The following RAD17 variants were observed in gnomAD, a reference collection of about 807,000 sequenced individuals.
RAD17 encodes RAD17 checkpoint clamp loader component.
In RAD17, 31 loss-of-function variants were observed where a neutral mutation model predicts 81.5. That is an observed-to-expected ratio of 0.38 (90% CI 0.29 to 0.51). The LOEUF (loss-of-function observed/expected upper bound fraction) is 0.51, where lower values mean the gene tolerates loss of function less well. Among genes scored for constraint, RAD17 ranks in the 20% least tolerant of loss-of-function variants. RAD17 has a pLI of 0.88. For synonymous variants in RAD17, 261 were observed against 266.2 expected (o/e 0.98, Z 0.19); for missense variants, 681 against 781.2 (o/e 0.87, Z 1.53).
At chr5:69,405,348 C>T (rs1228988972) in intron 17 of RAD17, among the ~76,000 whole-genome samples, 1 of 146,384 alleles carries the variant, frequency 6.8e-6, no homozygotes, top group Non-Finnish European at 1.5e-5. Flanking sequence ...TAAAAACACA[C>T]ACACAAAAAA....
At chr5:69,379,612 CT>C (rs1379583290) in intron 6 of RAD17, among the ~76,000 whole-genome samples, 6 of 151,854 alleles carry the variant, frequency 4.0e-5, no homozygotes, top group African/African-American at 1.5e-4. Flanking sequence ...AATATTTTGT[CT>C]TTATATCTTT....
At chr5:69,404,201 A>AT (rs1209363282) in intron 17 of RAD17, among the ~76,000 whole-genome samples, 2 of 152,246 alleles carry the variant, frequency 1.3e-5, no homozygotes, top group Non-Finnish European at 2.9e-5. Context: ...TCAAAGAGCT[A>AT]TTTTTTAAAG....
intron 17 of RAD17, among the ~76,000 whole-genome samples, chr5:69,409,037 G>A (rs1243724320): frequency 6.6e-6 from 1 of 151,980 alleles, no homozygotes; most frequent in Admixed American, 6.6e-5. Flanking sequence ...TGGTTTCCAG[G>A]GTGCCCTTTA....
Position 69,386,410 on chromosome 5 carries a change from C to T in RAD17, c.839C>T (p.Ala280Val). The T allele has an allele frequency of 6.3e-7, 1 of 1,598,040 alleles. No individual in the cohort carries two copies. Among genetic ancestry groups the T allele is most frequent in the South Asian group, 1.2e-5 (1 of 86,150 alleles). Reference sequence around the variant, plus strand: ...ATAAAACTTAGTTTCAACCCTGTGGCACCAACAATTATGATGAAATTTCTT... The same window carrying T: ...ATAAAACTTAGTTTCAACCCTGTGGTACCAACAATTATGATGAAATTTCTT... ...SISNISFNPV[A>V]PTIMMKFLNR... The change falls in exon 11 of 19, where the codon GCA becomes GTA. Residue 280 changes from alanine to valine, a missense_variant. Transcript: ENST00000354868.
intron 17 of RAD17, among the ~76,000 whole-genome samples, chr5:69,406,712 G>A (rs1207601815): frequency 2.0e-5 from 3 of 151,614 alleles, no homozygotes; most frequent in Non-Finnish European, 4.4e-5. Flanking sequence ...TTGCCATGTT[G>A]CACAGGCTGG....
chr5:69,403,986 T>G (rs975172749), intron 17 of RAD17, among the ~76,000 whole-genome samples: 1 of 149,186 alleles, frequency 6.7e-6, no homozygotes, highest in African/African-American at 2.4e-5. Flanking sequence ...TATGGTAGAT[T>G]ACTAACATTT....
At chr5:69,372,459 A>G (rs1177465297) in intron 4 of RAD17, among the ~76,000 whole-genome samples, 1 of 152,138 alleles carries the variant, frequency 6.6e-6, no homozygotes, top group African/African-American at 2.4e-5. Flanking sequence ...AGAAATATAT[A>G]ACTTGGTTTC....
At chr5:69,370,927 G>T (rs1252938031) in intron 1 of RAD17, 108 bp from the exon 2 acceptor site, 1 of 245,762 alleles carries the variant, frequency 4.1e-6, no homozygotes, top group African/African-American at 2.3e-5. Context: ...AAACATTTAA[G>T]AATTTGAAAA....
At chr5:69,374,744 A>G (rs780997502) in intron 6 of RAD17, 33 bp downstream of exon 6, 1 of 1,474,306 alleles carries the variant, frequency 6.8e-7, no homozygotes, top group Non-Finnish European at 9.4e-7. Context: ...AATATTTAAC[A>G]TCAAATATTT....
At position 69,371,180 on chromosome 5, in the gene RAD17, A is replaced by C; in HGVS notation, c.-280+9A>C. On this transcript the variant is annotated intron_variant, in intron 2 of 18. Transcript: ENST00000354868. ...GATTTTAATGACAAAAGGTAAGTAC[A>C]TAGTATGTGTGGTTTTTTTGTTTTT... The C allele has an allele frequency of 2.0e-6, 1 of 505,256 alleles. No individual in the cohort carries two copies. The highest frequency in any genetic ancestry group is 3.8e-6 in the Non-Finnish European group (1 of 264,184). The allele number at this position is 505,256 out of a possible 1,614,324, so 31.3% of individuals were successfully genotyped here. A position where few individuals can be genotyped will look rare whatever the true frequency, so the allele number is the denominator to read the frequency against.
intron 6 of RAD17, among the ~76,000 whole-genome samples, chr5:69,376,707 C>T (rs988115176): frequency 5.9e-5 from 9 of 152,008 alleles, no homozygotes; most frequent in Non-Finnish European, 1.0e-4. Context: ...AGTTTTCAAC[C>T]TTGAGATGAA....
intron 6 of RAD17, among the ~76,000 whole-genome samples, chr5:69,376,654 C>T (rs1246057461): frequency 1.3e-5 from 2 of 152,210 alleles, no homozygotes; most frequent in Admixed American, 1.3e-4. Flanking sequence ...ATTGACACAT[C>T]ACTAACACCC....
chr5:69,373,707 TTTTTTTTTTA>T lies in RAD17; in HGVS notation c.10-122_10-113del, dbSNP rs2150766751. ...AAAAATTTTTTTTTTTTTTTTTTTT[TTTTTTTTTTA>T]AGTTTTAAAGGTTATAAATATATGA... On this transcript the variant is annotated intron_variant, in intron 4 of 18. Coordinates refer to ENST00000354868, the MANE Select transcript of RAD17 (RefSeq NM_133338.3). The T allele has an allele frequency of 2.0e-4, 111 of 562,352 alleles. 1 individual carries two copies. The highest frequency in any genetic ancestry group is 5.3e-4 in the East Asian group (9 of 17,034). The allele number at this position is 562,352 out of a possible 1,614,324, so 34.8% of individuals were successfully genotyped here. A position where few individuals can be genotyped will look rare whatever the true frequency, so the allele number is the denominator to read the frequency against.
chr5:69,392,432 C>T (rs560158571), intron 13 of RAD17, among the ~76,000 whole-genome samples: 22 of 152,242 alleles, frequency 1.4e-4, no homozygotes, highest in African/African-American at 5.3e-4. Context: ...GTTCTGTCTC[C>T]CCAACCAGAG....
At chr5:69,375,514 T>G (rs1763278398) in intron 6 of RAD17, among the ~76,000 whole-genome samples, 1 of 152,012 alleles carries the variant, frequency 6.6e-6, no homozygotes, top group Non-Finnish European at 1.5e-5. Context: ...TAAAAGAAAA[T>G]AGAATAATAA....
At chr5:69,397,462 C>T (rs776314419) in intron 16 of RAD17, among the ~76,000 whole-genome samples, 25 of 151,790 alleles carry the variant, frequency 1.6e-4, no homozygotes, top group Non-Finnish European at 3.1e-4. Context: ...ATTTCAGTTT[C>T]AATTAAAAAC....
chr5:69,371,649 G>A (rs1237215594), intron 3 of RAD17, 92 bp downstream of exon 3: 1 of 614,714 alleles, frequency 1.6e-6, no homozygotes, highest in Non-Finnish European at 2.4e-6. Flanking sequence ...TGCTATCAAA[G>A]TAATAGAGCC....
At chr5:69,405,905 G>A (rs1444577634) in intron 17 of RAD17, among the ~76,000 whole-genome samples, 3 of 151,970 alleles carry the variant, frequency 2.0e-5, no homozygotes, top group East Asian at 3.9e-4. Context: ...AGCCAGATGT[G>A]GTGGTGTACT....
At chr5:69,402,155 C>T (rs1237665654) in intron 17 of RAD17, among the ~76,000 whole-genome samples, 1 of 149,792 alleles carries the variant, frequency 6.7e-6, no homozygotes, top group Admixed American at 6.6e-5. Flanking sequence ...TCAAGCGATT[C>T]TCCTGCCTCA....
Sources: allele counts gnomAD v4.1 joint callset (sites outside exome capture counted in the v4.1 genomes callset), GRCh38; gene constraint gnomAD v4.1.1; transcripts MANE v1.5; gene names NCBI Gene and HGNC (gene_info 2026-07-23, HGNC 2026-07-21).